ZFHX3: variants seen among roughly 807,000 people sequenced by gnomAD.
ZFHX3 encodes zinc finger homeobox protein 3.
In ZFHX3, 42 loss-of-function variants were observed where a neutral mutation model predicts 279.1. The ratio of observed to expected loss-of-function variants is 0.15; its 90% CI spans 0.12 to 0.19. ZFHX3 has a LOEUF of 0.19. Among genes scored for constraint, ZFHX3 ranks in the 10% least tolerant of loss-of-function variants. ZFHX3 has a pLI of 1.00. For missense variants in ZFHX3, 4,981 were observed against 4,754.0 expected (o/e 1.05, Z -1.40); for synonymous variants, 2,293 against 1,957.8 (o/e 1.17, Z -4.52).
At chr16:73,711,260 C>CAA (rs113823527) in intron 1 of ZFHX3, among the ~76,000 whole-genome samples, 1 of 147,328 alleles carries the variant, frequency 6.8e-6, no homozygotes, top group Admixed American at 6.8e-5. Context: ...AGAGGTGGGC[C>CAA]AAAAAAAAAC....
intron 2 of ZFHX3, among the ~76,000 whole-genome samples, chr16:73,566,300 A>G (rs984204760): frequency 3.9e-5 from 6 of 152,180 alleles, no homozygotes; most frequent in Non-Finnish European, 8.8e-5. Context: ...AATACCCACA[A>G]TGGGTGGTAC....
intron 3 of ZFHX3, among the ~76,000 whole-genome samples, chr16:73,379,572 T>C (rs12920726): frequency 0.083 from 12,705 of 152,204 alleles, 1,288 homozygotes; most frequent in East Asian, 0.52. Flanking sequence ...ACAATGTGTA[T>C]AGAGTATGCA....
At chr16:73,689,755 G>A (rs574661572) in intron 1 of ZFHX3, among the ~76,000 whole-genome samples, 1 of 152,196 alleles carries the variant, frequency 6.6e-6, no homozygotes, top group East Asian at 1.9e-4. Context: ...TGGAAAACAC[G>A]ACTATCAGGT....
intron 3 of ZFHX3, among the ~76,000 whole-genome samples, chr16:73,439,078 C>G (rs372058649): frequency 9.9e-4 from 151 of 152,290 alleles, no homozygotes; most frequent in African/African-American, 3.5e-3. Context: ...TTTTTGCCTT[C>G]CTCCCTAAAC....
chr16:73,156,731 T>C (rs1967094213), intron 5 of ZFHX3, among the ~76,000 whole-genome samples: 1 of 151,982 alleles, frequency 6.6e-6, no homozygotes, highest in Admixed American at 6.6e-5. Flanking sequence ...AATTTTTTTT[T>C]TTTTGAAGAG....
At chr16:72,954,056 C>T (rs1961125165) in intron 2 of ZFHX3, among the ~76,000 whole-genome samples, 1 of 152,206 alleles carries the variant, frequency 6.6e-6, no homozygotes, top group Admixed American at 6.5e-5. Context: ...AGTTCACAAA[C>T]AGGAGCAGGG....
intron 1 of ZFHX3, among the ~76,000 whole-genome samples, chr16:73,786,855 G>A (rs546868523): frequency 9.2e-5 from 14 of 152,118 alleles, no homozygotes; most frequent in South Asian, 4.2e-4. Context: ...AGCTCTTCCC[G>A]TACCCATACC....
At chr16:73,588,893 G>GAGAGAC (rs1411655920) in intron 2 of ZFHX3, among the ~76,000 whole-genome samples, 2 of 151,988 alleles carry the variant, frequency 1.3e-5, no homozygotes, top group African/African-American at 4.8e-5. Context: ...GACAGAGACA[G>GAGAGAC]AGAGACAGAG....
intron 5 of ZFHX3, among the ~76,000 whole-genome samples, chr16:73,203,461 C>G (rs1295827086): frequency 1.3e-5 from 2 of 152,240 alleles, no homozygotes; most frequent in African/African-American, 4.8e-5. Context: ...AGCGTAAGCT[C>G]TCTGAGGTCA....
intron 2 of ZFHX3, among the ~76,000 whole-genome samples, chr16:73,546,193 TC>T (rs1450403446): frequency 6.6e-6 from 1 of 152,130 alleles, no homozygotes; most frequent in Non-Finnish European, 1.5e-5. Flanking sequence ...AATATTAAAT[TC>T]CCCCTCCCTT....
intron 3 of ZFHX3, among the ~76,000 whole-genome samples, chr16:72,899,390 G>T (rs772454300): frequency 5.3e-5 from 8 of 152,124 alleles, no homozygotes; most frequent in Non-Finnish European, 8.8e-5. Flanking sequence ...CTGCTGCCAT[G>T]TGAAAAAGGA....
chr16:73,468,278 C>A (rs2018606356), intron 2 of ZFHX3, among the ~76,000 whole-genome samples: 1 of 152,136 alleles, frequency 6.6e-6, no homozygotes, highest in Non-Finnish European at 1.5e-5. Flanking sequence ...ATCTTCCAGG[C>A]AGCAGGATGA....
chr16:73,845,455 G>C (rs1384125230), intron 1 of ZFHX3, among the ~76,000 whole-genome samples: 1 of 151,902 alleles, frequency 6.6e-6, no homozygotes, highest in Non-Finnish European at 1.5e-5. Flanking sequence ...AATATAAAGA[G>C]ATTTGTGTCC....
Position 73,528,968 on chromosome 16 carries a change from T to C in ZFHX3, c.-1546-72710A>G, listed in dbSNP as rs554732830. ...AGCCTGTAACGAATCCCCAGTTCCA[T>C]AACATGTTTAACAATTAATAAGCTA... On this transcript the variant is annotated intron_variant, in intron 2 of 17. Coordinates refer to the ZFHX3 transcript ENST00000641206. Among the ~76,000 whole-genome samples the C allele has an allele frequency of 3.3e-5, 5 of 152,300 alleles. No homozygotes were observed. In the East Asian group the frequency reaches 7.7e-4, roughly 24 times the overall value.
At chr16:73,718,617 TATTTA>T (rs1027918789) in intron 1 of ZFHX3, among the ~76,000 whole-genome samples, 5 of 52,368 alleles carry the variant, frequency 9.5e-5, no homozygotes. Flanking sequence ...ATTTATTATT[TATTTA>T]TTTATTTTTT....
At chr16:72,886,228 A>G (rs899113518) in intron 4 of ZFHX3, among the ~76,000 whole-genome samples, 2 of 152,190 alleles carry the variant, frequency 1.3e-5, no homozygotes, top group Non-Finnish European at 1.5e-5. Context: ...CATCAGTTAT[A>G]TGGACCGAAC....
intron 1 of ZFHX3, among the ~76,000 whole-genome samples, chr16:73,842,675 A>G (rs1961342290): frequency 1.3e-5 from 2 of 152,196 alleles, no homozygotes; most frequent in African/African-American, 4.8e-5. Context: ...AATTAAAACA[A>G]CAACAACAGC....
intron 3 of ZFHX3, among the ~76,000 whole-genome samples, chr16:73,444,898 T>C (rs1424237366): frequency 7.1e-6 from 1 of 140,468 alleles, no homozygotes; most frequent in East Asian, 2.1e-4. Flanking sequence ...GGCAGGTGGA[T>C]CATGAGGGCA....
At chr16:73,863,273 A>C (rs1235466596) in intron 1 of ZFHX3, among the ~76,000 whole-genome samples, 1 of 152,192 alleles carries the variant, frequency 6.6e-6, no homozygotes, top group African/African-American at 2.4e-5. Context: ...TGGGGTATTG[A>C]AAGTGAAGCT....
Sources: gnomAD v4.1 joint callset for allele counts (sites outside exome capture counted in the v4.1 genomes callset) on GRCh38, gnomAD v4.1.1 for gene constraint, MANE v1.5 for transcripts, NCBI Gene and HGNC (gene_info 2026-07-23, HGNC 2026-07-21) for gene names.